BANK1: variants seen among roughly 807,000 people sequenced by gnomAD.
The protein encoded by BANK1 is B cell scaffold protein with ankyrin repeats 1, also known as B-cell scaffold protein with ankyrin repeats.
A neutral mutation model predicts 94.5 loss-of-function variants in BANK1; 95 were observed. The ratio of observed to expected loss-of-function variants is 1.00; its 90% CI spans 0.85 to 1.19. BANK1 has a LOEUF of 1.19. BANK1 is among the 50% of genes most tolerant of loss of function. BANK1 has a pLI of 0.00. For missense variants in BANK1, 987 were observed against 932.2 expected (o/e 1.06, Z -0.77); for synonymous variants, 334 against 308.4 (o/e 1.08, Z -0.87).
rs551900572 is a variant in BANK1 at position 101,855,067 on chromosome 4, A to G, written c.502A>G (p.Thr168Ala). The G allele has an allele frequency of 1.3e-5, 21 of 1,613,066 alleles. No individual in the cohort carries two copies. In the South Asian group the frequency reaches 2.1e-4, roughly 16 times the overall value. The change falls in exon 3 of 17, where the codon ACA (threonine) becomes GCA (alanine). Residue 168 changes from threonine (T) to alanine (A), a missense_variant. Transcript: ENST00000322953. The part of the protein sequence containing the change: ...SEDYFEVNIP[T>A]DLRAKHSGEI... ...AGACTACTTTGAGGTCAACATTCCA[A>G]CAGACCTACGAGCAAAACATTCTGG... is the stretch of plus-strand genomic sequence containing the variant.
chr4:101,851,624 T>C (rs1345581914), intron 2 of BANK1, among the ~76,000 whole-genome samples: 1 of 152,180 alleles, frequency 6.6e-6, no homozygotes, highest in Non-Finnish European at 1.5e-5. Context: ...GTTGCTCCTA[T>C]GAATATCCTG....
At chr4:101,899,918 G>A (rs562347047) in intron 6 of BANK1, among the ~76,000 whole-genome samples, 1 of 152,320 alleles carries the variant, frequency 6.6e-6, no homozygotes, top group East Asian at 1.9e-4. Flanking sequence ...TAGGCAATGT[G>A]CTATCCTGAG....
intron 7 of BANK1, among the ~76,000 whole-genome samples, chr4:101,997,569 T>G (rs11939516): frequency 0.014 from 2,109 of 152,252 alleles, 62 homozygotes; most frequent in African/African-American, 0.048. Flanking sequence ...TTTTTATTGT[T>G]AGGCTATTAA....
intron 5 of BANK1, among the ~76,000 whole-genome samples, chr4:101,874,149 T>C (rs1342860569): frequency 1.3e-5 from 2 of 152,226 alleles, no homozygotes; most frequent in Non-Finnish European, 2.9e-5. Context: ...ATTTTCATTT[T>C]CATGTCAGGT....
rs139390351 is a variant in BANK1, at chr4:101,896,785, G to C, written c.1009+1375G>C. Among the ~76,000 whole-genome samples, 663 of 151,824 alleles carry C rather than the reference G, an allele frequency of 4.4e-3. 9 individuals carry two copies. The highest frequency in any genetic ancestry group is 0.015 in the African/African-American group (623 of 41,466). On this transcript the variant is annotated intron_variant, in intron 6 of 16. Coordinates refer to ENST00000322953, the MANE Select transcript of BANK1 (RefSeq NM_017935.5). ...TTAACAATAGAATTTTAGATAAAGG[G>C]TACATTATTTTTCAAGATGTGCTTC...
At chr4:101,969,054 G>T (rs73834520) in intron 7 of BANK1, among the ~76,000 whole-genome samples, 1 of 151,940 alleles carries the variant, frequency 6.6e-6, no homozygotes, top group Non-Finnish European at 1.5e-5. Context: ...AAGGAGAGTC[G>T]TCTCTACCAT....
At chr4:101,860,923 G>T (rs1727851295) in intron 3 of BANK1, among the ~76,000 whole-genome samples, 1 of 152,210 alleles carries the variant, frequency 6.6e-6, no homozygotes, top group Admixed American at 6.5e-5. Flanking sequence ...GAGCCCAAGT[G>T]AAATGGAAAG....
At chr4:102,009,914 A>G (rs1490371806) in intron 7 of BANK1, among the ~76,000 whole-genome samples, 1 of 152,162 alleles carries the variant, frequency 6.6e-6, no homozygotes, top group Non-Finnish European at 1.5e-5. Flanking sequence ...CATTTGCCTA[A>G]CCTACTCTCT....
intron 5 of BANK1, among the ~76,000 whole-genome samples, chr4:101,893,027 TATTAA>T (rs1249332069): frequency 6.6e-6 from 1 of 152,050 alleles, no homozygotes; most frequent in African/African-American, 2.4e-5. Flanking sequence ...GGAGTATGAT[TATTAA>T]ATTAAAATAG....
chr4:102,050,950 C>T (rs578010183), intron 11 of BANK1, among the ~76,000 whole-genome samples: 2 of 152,296 alleles, frequency 1.3e-5, no homozygotes, highest in South Asian at 2.1e-4. Context: ...ATAGTCCCTG[C>T]CCACCAATTC....
intron 5 of BANK1, among the ~76,000 whole-genome samples, chr4:101,877,842 G>A (rs774207677): frequency 1.3e-5 from 2 of 152,022 alleles, no homozygotes; most frequent in South Asian, 2.1e-4. Flanking sequence ...CCAAGATTGC[G>A]CCACTGCACT....
chr4:101,802,463 T>C (rs2148850788), intron 1 of BANK1, among the ~76,000 whole-genome samples: 1 of 152,336 alleles, frequency 6.6e-6, no homozygotes, highest in African/African-American at 2.4e-5. Flanking sequence ...ATATGGGTAA[T>C]TAGGAAGCAT....
chr4:102,064,511 A>G (rs747511355), intron 13 of BANK1, among the ~76,000 whole-genome samples: 26 of 152,212 alleles, frequency 1.7e-4, no homozygotes, highest in Admixed American at 1.3e-4. Context: ...AAATAAGGAA[A>G]CTGAGGCCCT....
At chr4:101,800,893 G>A (rs1725336734) in intron 1 of BANK1, among the ~76,000 whole-genome samples, 1 of 152,160 alleles carries the variant, frequency 6.6e-6, no homozygotes, top group South Asian at 2.1e-4. Context: ...AGATAGCTGG[G>A]ATTACAGGCG....
At chr4:101,951,786 CTTAAA>C (rs1431310707) in intron 7 of BANK1, among the ~76,000 whole-genome samples, 2 of 151,794 alleles carry the variant, frequency 1.3e-5, no homozygotes. Context: ...AGCCATGTAG[CTTAAA>C]TTAAATAACT....
At chr4:101,908,544 A>T (rs1459224872) in intron 6 of BANK1, among the ~76,000 whole-genome samples, 3 of 152,250 alleles carry the variant, frequency 2.0e-5, no homozygotes, top group Non-Finnish European at 1.5e-5. Context: ...ACAAAAGCCA[A>T]AATTGACAAA....
chr4:101,876,193 C>T (rs1367543918), intron 5 of BANK1, among the ~76,000 whole-genome samples: 1 of 152,168 alleles, frequency 6.6e-6, no homozygotes, highest in African/African-American at 2.4e-5. Context: ...GCAGTGATAT[C>T]CAGGTACTAC....
At chr4:101,889,467 G>A (rs111541987) in intron 5 of BANK1, among the ~76,000 whole-genome samples, 51,526 of 150,848 alleles carry the variant, frequency 0.34, 9,089 homozygotes, top group African/African-American at 0.38. Context: ...GCGCGGTGGC[G>A]GGCGCCTGTA....
At chr4:101,944,195 A>G (rs1466368110) in intron 7 of BANK1, among the ~76,000 whole-genome samples, 1 of 151,926 alleles carries the variant, frequency 6.6e-6, no homozygotes, top group Admixed American at 6.6e-5. Context: ...AGCATATGGT[A>G]TGCTGGTAAA....
Sources: allele counts gnomAD v4.1 joint callset (sites outside exome capture counted in the v4.1 genomes callset), GRCh38; gene constraint gnomAD v4.1.1; transcripts MANE v1.5; gene names NCBI Gene and HGNC (gene_info 2026-07-23, HGNC 2026-07-21).